The following PHF2 variants were observed in gnomAD, a reference collection of about 807,000 sequenced individuals.
The protein encoded by PHF2 is PHD finger protein 2.
Under a neutral mutation model 120.5 loss-of-function variants are expected in PHF2, and 27 were observed. That is an observed-to-expected ratio of 0.22 (90% CI 0.17 to 0.31). PHF2 has a LOEUF of 0.31. Ranked by LOEUF, PHF2 falls within the 10% of genes least tolerant of loss-of-function variation. PHF2 has a pLI of 1.00. For synonymous variants in PHF2, 568 were observed against 592.5 expected, an observed-to-expected ratio of 0.96 and a Z score of 0.60; for missense variants, 1,024 against 1,434.8, an observed-to-expected ratio of 0.71 and a Z score of 4.63.
At chr9:93,591,569 C>T (rs1825225728) in intron 1 of PHF2, among the ~76,000 whole-genome samples, 1 of 152,200 alleles carries the variant, frequency 6.6e-6, no homozygotes, top group Admixed American at 6.5e-5. Flanking sequence ...TCCCTGCTTC[C>T]TCCCTTGACC....
chr9:93,663,174 C>A, intron 13 of PHF2, 148 bp downstream of exon 13: 1 of 1,150,752 alleles, frequency 8.7e-7, no homozygotes, highest in Non-Finnish European at 1.2e-6. Context: ...GGTGTGCTTA[C>A]GTGGGTCTGA....
At position 93,657,778 on chromosome 9, in the gene PHF2, A is replaced by G. The variant is rs181216754; in HGVS notation, c.1148-367A>G. On this transcript the variant is annotated intron_variant, in intron 9 of 21. Coordinates refer to ENST00000359246, the MANE Select transcript of PHF2 (RefSeq NM_005392.4). ...ATGAGGTGGGAAGAGATGCTTGGGG[A>G]TGCCTGGTGTGGGCCCATGGACAGC... Among the ~76,000 whole-genome samples, 3 of 152,250 alleles carry G rather than the reference A, an allele frequency of 2.0e-5. No individual in the cohort carries two copies. In the East Asian group the frequency reaches 5.8e-4, roughly 29 times the overall value.
intron 14 of PHF2, 54 bp downstream of exon 14, chr9:93,663,689 A>T: frequency 1.0e-6 from 1 of 971,908 alleles, no homozygotes; most frequent in Non-Finnish European, 1.6e-6. Context: ...GACATCACAC[A>T]CACCATACAT....
intron 1 of PHF2, among the ~76,000 whole-genome samples, chr9:93,593,469 A>C (rs1191286470): frequency 6.6e-6 from 1 of 152,248 alleles, no homozygotes; most frequent in Non-Finnish European, 1.5e-5. Flanking sequence ...TATTTGCTCT[A>C]CATCTGCATA....
At chr9:93,627,574 A>G (rs550395075) in intron 1 of PHF2, among the ~76,000 whole-genome samples, 1 of 145,234 alleles carries the variant, frequency 6.9e-6, no homozygotes, top group African/African-American at 2.6e-5. Context: ...TAGGCATCCT[A>G]TTTTCCTCCT....
chr9:93,595,682 C>T (rs1442796663), intron 1 of PHF2, among the ~76,000 whole-genome samples: 4 of 152,234 alleles, frequency 2.6e-5, no homozygotes, highest in Admixed American at 6.5e-5. Context: ...GCTGTGCATG[C>T]GCCCACTGGG....
chr9:93,585,899 G>C (rs1863033861), intron 1 of PHF2, among the ~76,000 whole-genome samples: 1 of 152,212 alleles, frequency 6.6e-6, no homozygotes, highest in Non-Finnish European at 1.5e-5. Context: ...TGGTGGGAAG[G>C]CAGCGTCAAG....
rs868160877 is a variant in PHF2, at chr9:93,604,387, G to A, written c.99-25583G>A. On this transcript the variant is annotated intron_variant, in intron 1 of 21. Coordinates refer to ENST00000359246, the MANE Select transcript of PHF2 (RefSeq NM_005392.4). ...AGCAAGACTTCTTTATATTCGTAGAGGATTTAGAGGATTCTGAGATTCCAT... is the reference window on the plus strand; with the variant it reads ...AGCAAGACTTCTTTATATTCGTAGAAGATTTAGAGGATTCTGAGATTCCAT... Among the ~76,000 whole-genome samples, 22 of 151,490 alleles carry A rather than the reference G, an allele frequency of 1.5e-4. No individual in the cohort carries two copies. In the South Asian group the frequency reaches 3.1e-3, roughly 22 times the overall value.
rs1051945359 is a variant in PHF2 at position 93,675,076 on chromosome 9, G to A, written c.2722+54G>A. ...ACCTGACACCCAGTGTGGAAGCTGT[G>A]ACTTTGTCTGTGGTCCCTCCAGCCC... On this transcript the variant is annotated intron_variant, in intron 19 of 21. Coordinates refer to ENST00000359246, the MANE Select transcript of PHF2 (RefSeq NM_005392.4). The A allele has an allele frequency of 2.1e-6, 3 of 1,408,872 alleles. No homozygotes were observed. The African/African-American group carries it at 4.2e-5, about 20-fold the overall frequency. The allele number at this position is 1,408,872 out of a possible 1,614,324, so 87.3% of individuals were successfully genotyped here. A position where few individuals can be genotyped will look rare whatever the true frequency, so the allele number is the denominator to read the frequency against.
intron 12 of PHF2, among the ~76,000 whole-genome samples, chr9:93,661,759 A>G (rs1017883442): frequency 2.1e-5 from 3 of 142,544 alleles, no homozygotes; most frequent in Admixed American, 7.0e-5. Context: ...GGATGAGTGC[A>G]TAAGATGGAT....
intron 14 of PHF2, 129 bp downstream of exon 14, chr9:93,663,764 A>G: frequency 2.0e-6 from 1 of 493,872 alleles, no homozygotes; most frequent in African/African-American, 2.9e-5. Flanking sequence ...TGCACTCTGC[A>G]TCTCACACAC....
intron 2 of PHF2, among the ~76,000 whole-genome samples, chr9:93,631,536 A>T (rs1352161627): frequency 6.6e-6 from 1 of 152,200 alleles, no homozygotes; most frequent in Admixed American, 6.5e-5. Context: ...TCATCTGGTT[A>T]TTGCTCAAAA....
intron 14 of PHF2, among the ~76,000 whole-genome samples, chr9:93,664,011 G>A (rs560100865): frequency 1.3e-4 from 20 of 152,322 alleles, no homozygotes; most frequent in Admixed American, 5.2e-4. Flanking sequence ...TGCCTGGGTG[G>A]GACTGGGCTG....
chr9:93,648,429 C>T (rs549303006), intron 4 of PHF2, among the ~76,000 whole-genome samples: 3 of 152,192 alleles, frequency 2.0e-5, no homozygotes, highest in East Asian at 1.9e-4. Flanking sequence ...CCAGTGGCCC[C>T]GGCATCCACC....
intron 1 of PHF2, among the ~76,000 whole-genome samples, chr9:93,610,549 A>C (rs1825617075): frequency 6.6e-6 from 1 of 152,218 alleles, no homozygotes; most frequent in African/African-American, 2.4e-5. Context: ...TGATCTGATC[A>C]TTGCAACATC....
intron 4 of PHF2, among the ~76,000 whole-genome samples, chr9:93,647,883 C>G (rs978747938): frequency 1.5e-5 from 2 of 133,790 alleles, no homozygotes; most frequent in Non-Finnish European, 3.3e-5. Flanking sequence ...AATGAGATTT[C>G]ATCTCAAAAA....
chr9:93,627,861 AG>A (rs971181717), intron 1 of PHF2, among the ~76,000 whole-genome samples: 2 of 152,200 alleles, frequency 1.3e-5, no homozygotes, highest in Non-Finnish European at 2.9e-5. Context: ...AATGAGGCAG[AG>A]GGCTGTGCCA....
intron 1 of PHF2, among the ~76,000 whole-genome samples, chr9:93,598,602 C>A (rs1248746276): frequency 6.6e-6 from 1 of 151,860 alleles, no homozygotes; most frequent in South Asian, 2.1e-4. Context: ...GTCAGCCCCC[C>A]ACCCTCCTAA....
intron 1 of PHF2, among the ~76,000 whole-genome samples, chr9:93,619,797 G>A (rs1825795546): frequency 6.6e-6 from 1 of 152,192 alleles, no homozygotes; most frequent in Non-Finnish European, 1.5e-5. Context: ...CTCTTAGCCA[G>A]GGTTAAAAAG....
Sources: allele counts gnomAD v4.1 joint callset (sites outside exome capture counted in the v4.1 genomes callset), GRCh38; gene constraint gnomAD v4.1.1; transcripts MANE v1.5; gene names NCBI Gene and HGNC (gene_info 2026-07-23, HGNC 2026-07-21).